Variants in PCDH10 observed in about 807,000 individuals in gnomAD.
PCDH10 encodes the protein protocadherin-10.
PCDH10 carries 15 observed loss-of-function variants against 74.4 expected under a neutral mutation model. The observed-to-expected ratio is 0.20, with a 90% CI of 0.13 to 0.31. The LOEUF is 0.31. Ranked by LOEUF, PCDH10 falls within the 10% of genes least tolerant of loss-of-function variation. The probability of loss-of-function intolerance (pLI) is 1.00; values close to 1 mark genes in which losing one functional copy is unlikely to be tolerated. For missense variants in PCDH10, 1,260 were observed against 1,390.2 expected, an observed-to-expected ratio of 0.91 and a Z score of 1.49; for synonymous variants, 619 against 589.8, an observed-to-expected ratio of 1.05 and a Z score of -0.72.
chr4:133,188,778 A>G (rs1727595466), intron 4 of PCDH10, among the ~76,000 whole-genome samples: 1 of 149,634 alleles, frequency 6.7e-6, no homozygotes, highest in African/African-American at 2.5e-5. Flanking sequence ...GGTTCAAGCA[A>G]TTCTTCTGCC....
intron 3 of PCDH10, among the ~76,000 whole-genome samples, chr4:133,157,224 T>C (rs1328385351): frequency 6.6e-6 from 1 of 152,234 alleles, no homozygotes; most frequent in Admixed American, 6.5e-5. Flanking sequence ...GTGTGCTGAA[T>C]TGCAATCAGA....
chr4:133,203,526 A>G (rs1435367010), intron 2 of PCDH10, among the ~76,000 whole-genome samples: 1 of 152,148 alleles, frequency 6.6e-6, no homozygotes, highest in Non-Finnish European at 1.5e-5. Context: ...TCAAGCTGAG[A>G]ATCATGATCT....
At chr4:133,163,896 G>A (rs2125863520) in intron 4 of PCDH10, 3 of 441,372 alleles carry the variant, frequency 6.8e-6, no homozygotes, top group Non-Finnish European at 9.0e-6. Context: ...GAAAAAAACA[G>A]AGGAATATTT....
At position 133,194,163 on chromosome 4, in the gene PCDH10, T is replaced by G. The variant is rs1051763834; in HGVS notation, c.*4003T>G. 25 of 152,022 alleles carry G rather than the reference T, an allele frequency of 1.6e-4. No homozygotes were observed. The highest frequency in any genetic ancestry group is 5.8e-4 in the African/African-American group (24 of 41,562). 9.4% of individuals were successfully genotyped at this position (152,022 alleles called of 1,614,324 possible). On this transcript the variant is annotated 3_prime_UTR_variant, in exon 5 of 5. Coordinates refer to ENST00000264360, the MANE Select transcript of PCDH10 (RefSeq NM_032961.3). Reference sequence around the variant, plus strand: ...AAAATTCTAATACTTTTAGTGTGCATGCGTGTATTTCTAATCACTGTTATT... The same window carrying G: ...AAAATTCTAATACTTTTAGTGTGCAGGCGTGTATTTCTAATCACTGTTATT...
At chr4:133,164,301 A>G (rs760376357) in intron 4 of PCDH10, among the ~76,000 whole-genome samples, 1 of 152,070 alleles carries the variant, frequency 6.6e-6, no homozygotes, top group Non-Finnish European at 1.5e-5. Context: ...CTAGTGAATT[A>G]AAATAGCCTA....
intron 3 of PCDH10, among the ~76,000 whole-genome samples, chr4:133,156,744 C>T (rs1227514810): frequency 6.6e-6 from 1 of 152,188 alleles, no homozygotes; most frequent in Non-Finnish European, 1.5e-5. Flanking sequence ...GCACTTCAAT[C>T]TCAATGAACA....
At chr4:133,165,527 A>G (rs984943464) in intron 4 of PCDH10, among the ~76,000 whole-genome samples, 1 of 151,788 alleles carries the variant, frequency 6.6e-6, no homozygotes, top group Non-Finnish European at 1.5e-5. Context: ...AAATAGTGTC[A>G]TCTTCTAAGT....
At position 133,149,910 on chromosome 4, in the gene PCDH10, G is replaced by A. The variant is rs891455636; in HGVS notation, c.-231G>A. 1.6e-5 allele frequency: 7 copies of A among 438,428 alleles called. No individual in the cohort carries two copies. The highest frequency in any genetic ancestry group is 2.8e-5 in the Non-Finnish European group (7 of 252,912). The allele number at this position is 438,428 out of a possible 1,614,324, so 27.2% of individuals were successfully genotyped here. A position where few individuals can be genotyped will look rare whatever the true frequency, so the allele number is the denominator to read the frequency against. On this transcript the variant is annotated 5_prime_UTR_variant, in exon 1 of 5. Transcript: ENST00000264360. ...TGGAAAGATTACAGATGAGGAAAGGGGACGCCTGTCACCCTTCCTGTGCTA... is the reference window on the plus strand; with the variant it reads ...TGGAAAGATTACAGATGAGGAAAGGAGACGCCTGTCACCCTTCCTGTGCTA...
In PCDH10 at chr4:133,151,130, C is replaced by G. The variant is rs1348847585; in HGVS notation, c.990C>G (p.Ala330=). Residue 330 remains alanine, a synonymous_variant, in exon 1 of 5, where the codon GCC becomes GCG. Coordinates refer to ENST00000264360, the MANE Select transcript of PCDH10 (RefSeq NM_032961.3). ...CAGTGTACCAAGTGTACGTGCAAGC[C>G]AAGGACCTGGGCCCCAACGCCGTGC... The part of the protein sequence containing the change: ...ESPVYQVYVQ[A]KDLGPNAVPA... 6.2e-7 allele frequency: 1 copy of G among 1,614,136 alleles called. No homozygotes were observed. The highest frequency in any genetic ancestry group is 8.5e-7 in the Non-Finnish European group (1 of 1,180,028).
intron 4 of PCDH10, among the ~76,000 whole-genome samples, chr4:133,172,381 C>A (rs1727220123): frequency 6.6e-6 from 1 of 151,868 alleles, no homozygotes; most frequent in Non-Finnish European, 1.5e-5. Flanking sequence ...TGATTTGATT[C>A]ATGACTGAAA....
At chr4:133,202,323 G>T (rs1442774351) in intron 2 of PCDH10, among the ~76,000 whole-genome samples, 1 of 152,152 alleles carries the variant, frequency 6.6e-6, no homozygotes, top group Non-Finnish European at 1.5e-5. Flanking sequence ...GCTTAAATAG[G>T]AATTCTTTGA....
intron 4 of PCDH10, among the ~76,000 whole-genome samples, chr4:133,171,829 T>G (rs1727208916): frequency 6.6e-6 from 1 of 152,130 alleles, no homozygotes; most frequent in Admixed American, 6.5e-5. Context: ...CAGAATTAAT[T>G]GCCTTGTTAG....
chr4:133,161,173 A>G (rs975642877), intron 3 of PCDH10, among the ~76,000 whole-genome samples: 9 of 152,178 alleles, frequency 5.9e-5, no homozygotes, highest in Admixed American at 1.3e-4. Flanking sequence ...CCGTTCCTCA[A>G]CAGTTCACTG....
Position 133,150,670 on chromosome 4 carries a change from G to A in PCDH10, c.530G>A (p.Gly177Asp). The A allele has an allele frequency of 4.3e-6, 7 of 1,612,964 alleles. No individual in the cohort carries two copies. Among genetic ancestry groups the A allele is most frequent in the Non-Finnish European group, 5.9e-6 (7 of 1,179,966 alleles). The change falls in exon 1 of 5, where the codon GGC (glycine) becomes GAC (aspartate). Residue 177 changes from glycine (G) to aspartate (D), a missense_variant. Around this residue, in one of 11 missense-constraint regions of PCDH10, gnomAD observed 35 missense variants for 29.1 expected, o/e 1.20. Coordinates refer to ENST00000264360, the MANE Select transcript of PCDH10 (RefSeq NM_032961.3). ...CTGGACGTGCAGACCCAGGGGGATGGCAACCGATTCGCTGAGCTGGTGCTG... is the reference window on the plus strand; with the variant it reads ...CTGGACGTGCAGACCCAGGGGGATGACAACCGATTCGCTGAGCTGGTGCTG... Reference protein sequence around the residue: ...FSLDVQTQGDGNRFAELVLEK... With the variant: ...FSLDVQTQGDDNRFAELVLEK...
In PCDH10 at chr4:133,192,310, G is replaced by A. The variant is rs1727695117; in HGVS notation, c.*2150G>A. 6.6e-6 allele frequency: 1 copy of A among 151,390 alleles called. No homozygotes were observed. The highest frequency in any genetic ancestry group is 2.4e-5 in the African/African-American group (1 of 41,350). 9.4% of individuals were successfully genotyped at this position (151,390 alleles called of 1,614,324 possible). A position where few individuals can be genotyped will look rare whatever the true frequency, so the allele number is the denominator to read the frequency against. Reference sequence around the variant, plus strand: ...AATTTAACTGGAAAAAAGTCTGTTTGTTCCAACTCTTTTTTTTAGCAAGAA... The same window carrying A: ...AATTTAACTGGAAAAAAGTCTGTTTATTCCAACTCTTTTTTTTAGCAAGAA... On this transcript the variant is annotated 3_prime_UTR_variant, in exon 5 of 5. Transcript: ENST00000264360.
At position 133,191,487 on chromosome 4, in the gene PCDH10, GA is replaced by G. The variant is rs1727668240; in HGVS notation, c.*1333del. ...TAAATGTAGTCAGTGTTTGATTAAT[GA>G]AAAAATTCTTCATGAGTCAGCCTTC... is the stretch of plus-strand genomic sequence containing the variant. On this transcript the variant is annotated 3_prime_UTR_variant, in exon 5 of 5. Coordinates refer to ENST00000264360, the MANE Select transcript of PCDH10 (RefSeq NM_032961.3). 1 of 152,030 alleles carries G rather than the reference GA, an allele frequency of 6.6e-6. No homozygotes were observed. The highest frequency in any genetic ancestry group is 1.9e-4 in the East Asian group (1 of 5,158). The allele number at this position is 152,030 out of a possible 1,614,324, so 9.4% of individuals were successfully genotyped here. A position where few individuals can be genotyped will look rare whatever the true frequency, so the allele number is the denominator to read the frequency against.
At position 133,194,492 on chromosome 4, in the gene PCDH10, A is replaced by T. The variant is rs1318144475; in HGVS notation, c.*4332A>T. ...TAACAAAAGATGAGTTTCAATCTTA[A>T]CTACAGTGTTTGTTACTGTGAATGC... On this transcript the variant is annotated 3_prime_UTR_variant, in exon 5 of 5. Coordinates refer to ENST00000264360, the MANE Select transcript of PCDH10 (RefSeq NM_032961.3). 1 of 151,928 alleles carries T rather than the reference A, an allele frequency of 6.6e-6. No homozygotes were observed. Among genetic ancestry groups the T allele is most frequent in the Non-Finnish European group, 1.5e-5 (1 of 67,842 alleles). 9.4% of individuals were successfully genotyped at this position (151,928 alleles called of 1,614,324 possible).
intron 4 of PCDH10, among the ~76,000 whole-genome samples, chr4:133,184,765 AATATATAAATATATATATAAATATAT>A (rs1156495239): frequency 2.1e-5 from 1 of 48,674 alleles, no homozygotes; most frequent in East Asian, 4.0e-4. Flanking sequence ...TATATGTGTA[AATATATAAATATATATATAAATATAT>A]ATATTTATAT....
chr4:133,177,575 T>C (rs1010436827), intron 4 of PCDH10, among the ~76,000 whole-genome samples: 1 of 152,136 alleles, frequency 6.6e-6, no homozygotes, highest in Admixed American at 6.6e-5. Flanking sequence ...CCAATTTCAT[T>C]TCAGAATCAT....
Sources: allele counts gnomAD v4.1 joint callset (sites outside exome capture counted in the v4.1 genomes callset), GRCh38; gene constraint gnomAD v4.1.1; regional missense constraint gnomAD v4.1.1; transcripts MANE v1.5; gene names NCBI Gene and HGNC (gene_info 2026-07-23, HGNC 2026-07-21).